The following SNX19 variants were observed in gnomAD, a reference collection of about 807,000 sequenced individuals.
SNX19 encodes the protein sorting nexin 19.
In SNX19, 60 loss-of-function variants were observed where a neutral mutation model predicts 85.2. The ratio of observed to expected loss-of-function variants is 0.70; its 90% confidence interval spans 0.57 to 0.87. The LOEUF is 0.87. SNX19 is among the 40% of genes least tolerant of loss of function. The pLI is 0.00. For synonymous variants in SNX19, 520 were observed against 470.0 expected (o/e 1.11, Z -1.38); for missense variants, 1,201 against 1,217.8 (o/e 0.99, Z 0.21).
chr11:130,911,818 A>G (rs1471159474), intron 1 of SNX19, 47 bp from the exon 2 acceptor site: 25 of 1,594,708 alleles, frequency 1.6e-5, no homozygotes, highest in Middle Eastern at 1.7e-4. Context: ...GGTTTCAGCA[A>G]TCTTCTATTC....
At chr11:130,884,859 G>C (rs1162447944) in intron 8 of SNX19, among the ~76,000 whole-genome samples, 1 of 131,724 alleles carries the variant, frequency 7.6e-6, no homozygotes, top group Non-Finnish European at 1.6e-5. Context: ...GTGACAGAGG[G>C]AGACTCCATC....
chr11:130,882,243 T>C (rs1024912567), intron 8 of SNX19, among the ~76,000 whole-genome samples: 1 of 152,228 alleles, frequency 6.6e-6, no homozygotes, highest in African/African-American at 2.4e-5. Context: ...GTGTGGGTCA[T>C]GGATGGACAA....
chr11:130,868,964 A>G lies in SNX19; in HGVS notation c.*9458T>C, dbSNP rs1423849120. 1 of 152,242 alleles carries G rather than the reference A, an allele frequency of 6.6e-6. No homozygotes were observed. The highest frequency in any genetic ancestry group is 1.5e-5 in the Non-Finnish European group (1 of 68,052). 9.4% of individuals were successfully genotyped at this position (152,242 alleles called of 1,614,324 possible). A position where few individuals can be genotyped will look rare whatever the true frequency, so the allele number is the denominator to read the frequency against. ...CATTTATGGATCAGCAACTGCTTGT[A>G]GGCAAAGTCTGTTACATGCCTGTCA... On this transcript the variant is annotated 3_prime_UTR_variant, in exon 11 of 11. Coordinates refer to ENST00000265909, the MANE Select transcript of SNX19 (RefSeq NM_014758.3).
chr11:130,899,438 C>G (rs1432346925), intron 8 of SNX19, among the ~76,000 whole-genome samples: 1 of 152,070 alleles, frequency 6.6e-6, no homozygotes, highest in Non-Finnish European at 1.5e-5. Flanking sequence ...GTGAAACCAG[C>G]TATAAGGTAC....
At chr11:130,883,727 T>C (rs1320808156) in intron 8 of SNX19, among the ~76,000 whole-genome samples, 2 of 152,214 alleles carry the variant, frequency 1.3e-5, no homozygotes, top group African/African-American at 4.8e-5. Context: ...CATGGTCTTA[T>C]TTCCTAGTCC....
At chr11:130,881,435 T>TA (rs1321716571) in intron 8 of SNX19, among the ~76,000 whole-genome samples, 17 of 152,182 alleles carry the variant, frequency 1.1e-4, no homozygotes, top group Non-Finnish European at 2.1e-4. Context: ...AGCCTGCACC[T>TA]ATACCTTCCC....
chr11:130,891,390 CA>C (rs1471749772), intron 8 of SNX19, among the ~76,000 whole-genome samples: 2 of 152,130 alleles, frequency 1.3e-5, no homozygotes, highest in African/African-American at 4.8e-5. Flanking sequence ...AGCTGGAAGG[CA>C]AGGGAGTGGG....
In SNX19 at chr11:130,878,663, T is replaced by C. The variant is rs1260875213; in HGVS notation, c.2847-109A>G. On this transcript the variant is annotated intron_variant, in intron 10 of 10. Transcript: ENST00000265909. Reference sequence around the variant, plus strand: ...CCATCACCGACACCCTAAACTTCAATAGCTTGATGAAACCTCTGCCATGAA... The same window carrying C: ...CCATCACCGACACCCTAAACTTCAACAGCTTGATGAAACCTCTGCCATGAA... 6.2e-6 allele frequency: 8 copies of C among 1,298,704 alleles called. No individual in the cohort carries two copies. In the Admixed American group the frequency reaches 1.5e-4, roughly 24 times the overall value. 80.4% of individuals were successfully genotyped at this position (1,298,704 alleles called of 1,614,324 possible). A position where few individuals can be genotyped will look rare whatever the true frequency, so the allele number is the denominator to read the frequency against.
Position 130,915,603 on chromosome 11 carries a change from A to G in SNX19, c.337T>C (p.Phe113Leu), listed in dbSNP as rs1220057961. 6.2e-7 allele frequency: 1 copy of G among 1,614,182 alleles called. No homozygotes were observed. Among genetic ancestry groups the G allele is most frequent in the South Asian group, 1.1e-5 (1 of 91,086 alleles). The change falls in exon 1 of 11, where the codon TTT (phenylalanine) becomes CTT (leucine). Residue 113 changes from phenylalanine (F) to leucine (L), a missense_variant. Phe to Leu is a conservative substitution (Grantham distance 22, BLOSUM62 0). Around this residue, in one of 3 missense-constraint regions of SNX19, gnomAD observed 791 missense variants for 750.9 expected, o/e 1.05. Transcript: ENST00000265909. ...NRTIQMIIRD[F>L]VLSWYRSVSQ... is the part of the protein sequence containing the mutation. ...ACGGAACGGTACCAAGATAACACAA[A>G]ATCTCGAATAATCATCTGGATGGTG...
intron 4 of SNX19, 121 bp downstream of exon 4, chr11:130,909,897 G>T: frequency 1.6e-6 from 2 of 1,285,796 alleles, no homozygotes; most frequent in Non-Finnish European, 2.2e-6. Context: ...TCTATTGACG[G>T]CTCTGTGCTG....
intron 8 of SNX19, 125 bp downstream of exon 8, chr11:130,903,130 G>A (rs1945372619): frequency 7.2e-7 from 1 of 1,392,104 alleles, no homozygotes; most frequent in Non-Finnish European, 9.9e-7. Context: ...TTTCATCCCT[G>A]TAACCCCTGT....
At chr11:130,878,691 T>G (rs886827190) in intron 10 of SNX19, 137 bp from the exon 11 acceptor site, 2 of 1,130,036 alleles carry the variant, frequency 1.8e-6, no homozygotes, top group African/African-American at 3.1e-5. Context: ...GCCATGAAAT[T>G]AATGTTTTTT....
At chr11:130,906,771 C>T (rs1270853858) in intron 5 of SNX19, 50 bp from the exon 6 acceptor site, 2 of 1,287,730 alleles carry the variant, frequency 1.6e-6, no homozygotes, top group Non-Finnish European at 2.3e-6. Context: ...TGGCCTTGAG[C>T]CTCACACTAA....
chr11:130,895,055 G>T, intron 8 of SNX19: 1 of 985,438 alleles, frequency 1.0e-6, no homozygotes, highest in Non-Finnish European at 1.2e-6. Context: ...CATGTGGAAG[G>T]AAAGAGGTGG....
Position 130,914,406 on chromosome 11 carries a change from T to A in SNX19, c.1534A>T (p.Ser512Cys). The A allele has an allele frequency of 6.2e-7, 1 of 1,613,874 alleles. No individual in the cohort carries two copies. Among genetic ancestry groups the A allele is most frequent in the South Asian group, 1.1e-5 (1 of 91,076 alleles). Residue 512 changes from serine to cysteine, a missense_variant, in exon 1 of 11, where the codon AGC becomes TGC. Transcript: ENST00000265909. Reference sequence around the variant, plus strand: ...GGCTCAAAGCTGAAGGTGGCTGAGCTGAGAGGACCAGGTGGAGAGGAGGAA... The same window carrying A: ...GGCTCAAAGCTGAAGGTGGCTGAGCAGAGAGGACCAGGTGGAGAGGAGGAA... ...LLSSSPPGPL[S>C]SATFSFEPLS...
In SNX19 at chr11:130,876,961, A is replaced by C. The variant is rs1389427279; in HGVS notation, c.*1461T>G. ...TTAAAAGCCTCCAGAGGGGCAAAAA[A>C]GTAAAAAGATTTTACAACTTTCTTC... On this transcript the variant is annotated 3_prime_UTR_variant, in exon 11 of 11. Transcript: ENST00000265909. 6.6e-6 allele frequency: 1 copy of C among 152,256 alleles called. No homozygotes were observed. The highest frequency in any genetic ancestry group is 1.5e-5 in the Non-Finnish European group (1 of 68,044). The allele number at this position is 152,256 out of a possible 1,614,324, so 9.4% of individuals were successfully genotyped here. A position where few individuals can be genotyped will look rare whatever the true frequency, so the allele number is the denominator to read the frequency against.
chr11:130,889,660 G>A (rs1368386374), intron 8 of SNX19, among the ~76,000 whole-genome samples: 2 of 151,978 alleles, frequency 1.3e-5, no homozygotes, highest in Non-Finnish European at 2.9e-5. Flanking sequence ...TCCTTTCTGT[G>A]TCAGCTGTTT....
chr11:130,879,786 G>A (rs1943530233), intron 9 of SNX19, 75 bp from the exon 10 acceptor site: 1 of 1,365,148 alleles, frequency 7.3e-7, no homozygotes, highest in Non-Finnish European at 1.0e-6. Flanking sequence ...CTCTCCCCAG[G>A]ATCTCTGCCG....
intron 2 of SNX19, among the ~76,000 whole-genome samples, chr11:130,911,075 A>G (rs143461767): frequency 0.16 from 23,975 of 151,660 alleles, 2,137 homozygotes; most frequent in Middle Eastern, 0.24. Flanking sequence ...GGCGCCTGTA[A>G]TCCTAGCTAC....
Sources: allele counts gnomAD v4.1 joint callset (sites outside exome capture counted in the v4.1 genomes callset), GRCh38; gene constraint gnomAD v4.1.1; regional missense constraint gnomAD v4.1.1; transcripts MANE v1.5; gene names NCBI Gene and HGNC (gene_info 2026-07-23, HGNC 2026-07-21).